The following ARFGEF3 variants were observed in gnomAD, a reference collection of about 807,000 sequenced individuals.
ARFGEF3 encodes the protein ARFGEF family member 3.
Under a neutral mutation model 221.7 loss-of-function variants are expected in ARFGEF3, and 96 were observed. The observed-to-expected ratio is 0.43, with a 90% CI of 0.37 to 0.51. The LOEUF (loss-of-function observed/expected upper bound fraction) is 0.51, where lower values mean the gene tolerates loss of function less well. Among genes scored for constraint, ARFGEF3 ranks in the 20% least tolerant of loss-of-function variants. The probability of loss-of-function intolerance (pLI) is 0.00; values close to 1 mark genes in which losing one functional copy is unlikely to be tolerated. For missense variants in ARFGEF3, 2,410 were observed against 2,789.9 expected, an observed-to-expected ratio of 0.86 and a Z score of 3.07; for synonymous variants, 1,145 against 1,126.8, an observed-to-expected ratio of 1.02 and a Z score of -0.32.
intron 4 of ARFGEF3, 141 bp downstream of exon 4, chr6:138,210,182 C>A: frequency 1.3e-6 from 1 of 777,162 alleles, no homozygotes. Context: ...TATTCTTGCT[C>A]ATGGTCCCCC....
intron 2 of ARFGEF3, among the ~76,000 whole-genome samples, chr6:138,197,318 G>A (rs1777447669): frequency 6.6e-6 from 1 of 152,088 alleles, no homozygotes; most frequent in Admixed American, 6.6e-5. Flanking sequence ...GATACCAATG[G>A]CTTCTTCTGG....
chr6:138,261,663 C>A, intron 11 of ARFGEF3, 24 bp downstream of exon 11: 2 of 1,381,320 alleles, frequency 1.4e-6, no homozygotes, highest in South Asian at 1.5e-5. Context: ...CCTTTTAAGT[C>A]TTTATTGAGG....
intron 9 of ARFGEF3, among the ~76,000 whole-genome samples, chr6:138,255,118 G>T (rs1420902787): frequency 6.6e-6 from 1 of 152,174 alleles, no homozygotes; most frequent in African/African-American, 2.4e-5. Context: ...TCTCAAATGA[G>T]AAATCATTTT....
chr6:138,239,025 C>T lies in ARFGEF3; in HGVS notation c.543+394C>T, dbSNP rs1347360601. On this transcript the variant is annotated intron_variant, in intron 6 of 33. Coordinates refer to ENST00000251691, the MANE Select transcript of ARFGEF3 (RefSeq NM_020340.5). ...GGTTGGGTATGTTTCCCTTTGTTAA[C>T]TAAAAGATGGTGGCAGGAGGCCTCC... Among the ~76,000 whole-genome samples the T allele has an allele frequency of 3.3e-5, 5 of 152,230 alleles. No homozygotes were observed. In the East Asian group the frequency reaches 9.7e-4, roughly 29 times the overall value.
intron 33 of ARFGEF3, among the ~76,000 whole-genome samples, chr6:138,335,918 A>G (rs1811749389): frequency 6.6e-6 from 1 of 152,168 alleles, no homozygotes; most frequent in South Asian, 2.1e-4. Flanking sequence ...TTCTTCAGGG[A>G]GGCTTTGAGT....
intron 3 of ARFGEF3, among the ~76,000 whole-genome samples, chr6:138,208,959 T>C (rs1469156444): frequency 2.6e-5 from 4 of 152,116 alleles, no homozygotes; most frequent in Non-Finnish European, 4.4e-5. Flanking sequence ...TGGGGGAAGA[T>C]GAAGGAGTAG....
intron 21 of ARFGEF3, among the ~76,000 whole-genome samples, chr6:138,298,255 C>A (rs1779557913): frequency 6.6e-6 from 1 of 152,154 alleles, no homozygotes; most frequent in African/African-American, 2.4e-5. Context: ...ATGTGGGGCA[C>A]AGCTCAGATG....
chr6:138,178,193 C>T (rs1232237290), intron 2 of ARFGEF3, among the ~76,000 whole-genome samples: 1 of 152,108 alleles, frequency 6.6e-6, no homozygotes, highest in Non-Finnish European at 1.5e-5. Flanking sequence ...TTCCCTAATC[C>T]TCACCATTCT....
At chr6:138,229,587 T>C (rs906405753) in intron 4 of ARFGEF3, among the ~76,000 whole-genome samples, 197 bp from the exon 5 acceptor site, 7 of 152,236 alleles carry the variant, frequency 4.6e-5, no homozygotes, top group South Asian at 2.1e-4. Flanking sequence ...CTTTATTTTT[T>C]ACAGGATGGT....
intron 2 of ARFGEF3, among the ~76,000 whole-genome samples, chr6:138,193,661 A>G (rs937507477): frequency 1.3e-5 from 2 of 152,230 alleles, no homozygotes; most frequent in Non-Finnish European, 2.9e-5. Flanking sequence ...GATTGGTTTC[A>G]TAAGGCATTT....
intron 24 of ARFGEF3, among the ~76,000 whole-genome samples, chr6:138,310,981 A>G (rs1217483786): frequency 6.6e-6 from 1 of 152,220 alleles, no homozygotes; most frequent in African/African-American, 2.4e-5. Flanking sequence ...AGCCCAATCC[A>G]GGACTTGTCT....
chr6:138,304,657 A>G (rs1258773050), intron 22 of ARFGEF3, among the ~76,000 whole-genome samples: 1 of 152,236 alleles, frequency 6.6e-6, no homozygotes, highest in Non-Finnish European at 1.5e-5. Context: ...AAGTAGAAAA[A>G]TATATTGCTT....
intron 2 of ARFGEF3, 62 bp downstream of exon 2, chr6:138,170,775 A>G (rs1174224635): frequency 1.1e-6 from 1 of 946,008 alleles, no homozygotes; most frequent in Non-Finnish European, 1.7e-6. Context: ...GGCCCAGATA[A>G]CCACATTGGT....
intron 4 of ARFGEF3, among the ~76,000 whole-genome samples, chr6:138,220,213 G>C (rs903452735): frequency 1.5e-4 from 23 of 152,064 alleles, no homozygotes; most frequent in African/African-American, 5.1e-4. Context: ...ATGTTTCCCA[G>C]GCTGGTCTCG....
chr6:138,255,150 C>T (rs575746366), intron 9 of ARFGEF3, among the ~76,000 whole-genome samples: 1 of 152,306 alleles, frequency 6.6e-6, no homozygotes, highest in African/African-American at 2.4e-5. Context: ...TAATATGAAA[C>T]TTTATAACAG....
chr6:138,209,978 G>A lies in ARFGEF3; in HGVS notation c.288G>A (p.Gln96=). The change falls in exon 4 of 34, where the codon CAG becomes CAA. Residue 96 remains glutamine, a synonymous_variant. Coordinates refer to ENST00000251691, the MANE Select transcript of ARFGEF3 (RefSeq NM_020340.5). Reference sequence around the variant, plus strand: ...CTGATGAGAAGCAGCTGCTCAATCAGATACTGAATGCCGTGAAAGTGACGC... The same window carrying A: ...CTGATGAGAAGCAGCTGCTCAATCAAATACTGAATGCCGTGAAAGTGACGC... ...TDSDEKQLLN[Q]ILNAVKVTPS... The A allele has an allele frequency of 6.2e-7, 1 of 1,613,952 alleles. No individual in the cohort carries two copies. Among genetic ancestry groups the A allele is most frequent in the South Asian group, 1.1e-5 (1 of 91,064 alleles).
At position 138,164,493 on chromosome 6, in the gene ARFGEF3, T is replaced by C. The variant is rs146977174; in HGVS notation, c.85+2322T>C. Among the ~76,000 whole-genome samples, 1,073 of 152,358 alleles carry C rather than the reference T, an allele frequency of 7.0e-3. 10 individuals are homozygous for C. Among genetic ancestry groups the C allele is most frequent in the Middle Eastern group, 0.034 (10 of 294 alleles). ...GCTCCTCAATAGGATAAGTTGTTTGTCTGGGTTCAGATCCTTGCCTTGATG... is the reference window on the plus strand; with the variant it reads ...GCTCCTCAATAGGATAAGTTGTTTGCCTGGGTTCAGATCCTTGCCTTGATG... On this transcript the variant is annotated intron_variant, in intron 1 of 33. Coordinates refer to ENST00000251691, the MANE Select transcript of ARFGEF3 (RefSeq NM_020340.5).
At chr6:138,173,879 CT>C (rs1471678007) in intron 2 of ARFGEF3, among the ~76,000 whole-genome samples, 3 of 152,144 alleles carry the variant, frequency 2.0e-5, no homozygotes, top group Admixed American at 6.5e-5. Flanking sequence ...AGAAATTCAA[CT>C]CAGAGTATTT....
intron 15 of ARFGEF3, among the ~76,000 whole-genome samples, chr6:138,286,401 G>A (rs1474441534): frequency 6.1e-5 from 9 of 147,460 alleles, no homozygotes; most frequent in African/African-American, 1.5e-4. Context: ...AGTGAGCCGA[G>A]ATTGTGCCAC....
Sources: gnomAD v4.1 joint callset for allele counts (sites outside exome capture counted in the v4.1 genomes callset) on GRCh38, gnomAD v4.1.1 for gene constraint, MANE v1.5 for transcripts, NCBI Gene and HGNC (gene_info 2026-07-23, HGNC 2026-07-21) for gene names.